The following MAPK10 variants were observed in gnomAD, a reference collection of about 807,000 sequenced individuals.
MAPK10 encodes mitogen-activated protein kinase 10, also known as JNK3 alpha protein kinase.
A neutral mutation model predicts 59.3 loss-of-function variants in MAPK10; 25 were observed. The observed-to-expected ratio is 0.42, with a 90% confidence interval of 0.31 to 0.59. The LOEUF (loss-of-function observed/expected upper bound fraction) is 0.59. MAPK10 is among the 20% of genes least tolerant of loss of function. MAPK10 has a pLI of 0.15. For synonymous variants in MAPK10, 190 were observed against 200.5 expected (o/e 0.95, Z 0.44); for missense variants, 351 against 568.9 (o/e 0.62, Z 3.90).
chr4:86,437,456 A>G (rs1339125791), intron 1 of MAPK10, among the ~76,000 whole-genome samples: 2 of 152,156 alleles, frequency 1.3e-5, no homozygotes, highest in East Asian at 3.9e-4. Context: ...CTTTGCGTTC[A>G]AGGAAACCCA....
At chr4:86,048,933 A>C (rs560949356) in intron 11 of MAPK10, among the ~76,000 whole-genome samples, 1 of 152,190 alleles carries the variant, frequency 6.6e-6, no homozygotes, top group South Asian at 2.1e-4. Flanking sequence ...ATGTGACATA[A>C]AGGTTCTAGG....
At chr4:86,465,429 C>T (rs1752114895) in intron 1 of MAPK10, among the ~76,000 whole-genome samples, 1 of 152,166 alleles carries the variant, frequency 6.6e-6, no homozygotes, top group African/African-American at 2.4e-5. Flanking sequence ...CTCCCTGAAA[C>T]AGCAGTTACA....
chr4:86,025,106 GCTT>G (rs1321379654), intron 13 of MAPK10: 2 of 156,310 alleles, frequency 1.3e-5, no homozygotes, highest in Non-Finnish European at 1.4e-5. Flanking sequence ...GCTTTTAGTG[GCTT>G]CTTAGAACGA....
At chr4:86,162,976 A>G (rs2070333339) in intron 3 of MAPK10, among the ~76,000 whole-genome samples, 1 of 152,144 alleles carries the variant, frequency 6.6e-6, no homozygotes, top group East Asian at 1.9e-4. Flanking sequence ...CCAATTAAAA[A>G]TCATCATTAC....
intron 1 of MAPK10, among the ~76,000 whole-genome samples, chr4:86,395,878 A>C (rs925044285): frequency 6.6e-6 from 1 of 152,172 alleles, no homozygotes; most frequent in Non-Finnish European, 1.5e-5. Flanking sequence ...TTATGGCCTC[A>C]TCTAAACTTA....
intron 2 of MAPK10, among the ~76,000 whole-genome samples, chr4:86,297,625 T>C (rs2095391645): frequency 6.6e-6 from 1 of 152,224 alleles, no homozygotes; most frequent in Non-Finnish European, 1.5e-5. Context: ...TAGAGTTTTA[T>C]GTCTGTACCC....
At chr4:86,040,917 C>T (rs2041387680) in intron 11 of MAPK10, 1 of 152,110 alleles carries the variant, frequency 6.6e-6, no homozygotes, top group African/African-American at 2.4e-5. Context: ...AGTCTTTCCA[C>T]AACAAAAGTT....
At chr4:86,060,790 A>G (rs946908333) in intron 11 of MAPK10, among the ~76,000 whole-genome samples, 1 of 152,170 alleles carries the variant, frequency 6.6e-6, no homozygotes, top group African/African-American at 2.4e-5. Flanking sequence ...GGTATACATT[A>G]AACAAAAGAA....
chr4:86,395,585 C>T (rs1486877628), intron 1 of MAPK10, among the ~76,000 whole-genome samples: 1 of 152,066 alleles, frequency 6.6e-6, no homozygotes, highest in East Asian at 1.9e-4. Context: ...GGAGAGGTTG[C>T]CAGGGGAGTG....
intron 4 of MAPK10, among the ~76,000 whole-genome samples, chr4:86,110,369 T>C (rs1188999878): frequency 6.6e-6 from 1 of 152,222 alleles, no homozygotes; most frequent in Non-Finnish European, 1.5e-5. Flanking sequence ...GTTTTACATT[T>C]ACTTCTTTAA....
chr4:86,357,983 G>T, intron 1 of MAPK10: 1 of 655,544 alleles, frequency 1.5e-6, no homozygotes, highest in Non-Finnish European at 1.9e-6. Flanking sequence ...CATTGTAGGG[G>T]AGAGAAAACC....
rs1741880480 is a variant in MAPK10 at position 86,013,105 on chromosome 4, C to T, written c.*4123G>A. On this transcript the variant is annotated 3_prime_UTR_variant, in exon 14 of 14. Coordinates refer to ENST00000641462, the MANE Select transcript of MAPK10 (RefSeq NM_138982.4). The stretch of plus-strand genomic sequence containing the variant: ...ACAAGATTCTATATATAAACAGAGG[C>T]CCCTCACTTCAGTTTGGCTGACCAA... The T allele has an allele frequency of 1.3e-5, 2 of 152,116 alleles. No homozygotes were observed. Among genetic ancestry groups the T allele is most frequent in the Admixed American group, 1.3e-4 (2 of 15,270 alleles). 9.4% of individuals were successfully genotyped at this position (152,116 alleles called of 1,614,324 possible).
intron 1 of MAPK10, among the ~76,000 whole-genome samples, chr4:86,375,713 T>TAAAAAAAAAAAAAAAAA (rs56189009): frequency 3.0e-5 from 1 of 33,322 alleles, no homozygotes; most frequent in Non-Finnish European, 4.9e-5. Context: ...AGGTCCACTC[T>TAAAAAAAAAAAAAAAAA]AAAAAAAAAA....
At chr4:86,359,284 C>CTGTGTG (rs1396195347) in intron 1 of MAPK10, among the ~76,000 whole-genome samples, 4 of 132,882 alleles carry the variant, frequency 3.0e-5, no homozygotes, top group African/African-American at 9.2e-5. Flanking sequence ...CTCTCTCTCT[C>CTGTGTG]TCTCTGTGTG....
chr4:86,306,568 A>G (rs1584406734), intron 2 of MAPK10, among the ~76,000 whole-genome samples: 1 of 152,220 alleles, frequency 6.6e-6, no homozygotes, highest in East Asian at 1.9e-4. Context: ...TTCCAAAGAT[A>G]TTATTACATT....
intron 1 of MAPK10, among the ~76,000 whole-genome samples, chr4:86,464,591 G>A (rs553800772): frequency 1.3e-5 from 2 of 152,256 alleles, no homozygotes; most frequent in South Asian, 4.2e-4. Flanking sequence ...GGATGCTGAG[G>A]CAGGCAGATC....
chr4:86,180,210 G>C (rs941575905), intron 3 of MAPK10, among the ~76,000 whole-genome samples: 1 of 151,820 alleles, frequency 6.6e-6, no homozygotes, highest in Non-Finnish European at 1.5e-5. Context: ...CACACGAATG[G>C]CCAAAAAATA....
intron 9 of MAPK10, among the ~76,000 whole-genome samples, chr4:86,083,350 A>T (rs1356726015): frequency 1.3e-5 from 2 of 152,120 alleles, no homozygotes; most frequent in Admixed American, 1.3e-4. Context: ...CCCCTTCCCC[A>T]TCCTCCAGCA....
chr4:86,273,113 AT>A (rs982506352), intron 2 of MAPK10, among the ~76,000 whole-genome samples: 1 of 152,080 alleles, frequency 6.6e-6, no homozygotes, highest in South Asian at 2.1e-4. Flanking sequence ...CTATTTTACC[AT>A]TTTTTTGAAA....
Sources: gnomAD v4.1 joint callset for allele counts (sites outside exome capture counted in the v4.1 genomes callset) on GRCh38, gnomAD v4.1.1 for gene constraint, MANE v1.5 for transcripts, NCBI Gene and HGNC (gene_info 2026-07-23, HGNC 2026-07-21) for gene names.